The following RUNX1 variants were observed in gnomAD, a reference collection of about 807,000 sequenced individuals.
The protein encoded by RUNX1 is RUNX family transcription factor 1.
In RUNX1, 19 loss-of-function variants were observed where a neutral mutation model predicts 42.8. The observed-to-expected ratio is 0.44, with a 90% CI of 0.31 to 0.65. The LOEUF is 0.65. RUNX1 is among the 30% of genes least tolerant of loss of function. The pLI, the probability that RUNX1 is intolerant of heterozygous loss-of-function variation, is 0.07. For synonymous variants in RUNX1, 271 were observed against 289.4 expected (o/e 0.94, Z 0.64); for missense variants, 528 against 672.0 (o/e 0.79, Z 2.37).
chr21:34,791,241 T>A lies in RUNX1; in HGVS notation c.*894A>T, dbSNP rs1367502303. On this transcript the variant is annotated 3_prime_UTR_variant, in exon 9 of 9. Coordinates refer to ENST00000675419, the MANE Select transcript of RUNX1 (RefSeq NM_001754.5). ...TCTTTTTTTCTAGCCTTCTTCAATG[T>A]GATACATTTAACTTTGGCTACTATC... 8.6e-6 allele frequency: 2 copies of A among 233,136 alleles called. No individual in the cohort carries two copies. Among genetic ancestry groups the A allele is most frequent in the South Asian group, 3.6e-4 (2 of 5,536 alleles). The allele number at this position is 233,136 out of a possible 1,614,324, so 14.4% of individuals were successfully genotyped here. A position where few individuals can be genotyped will look rare whatever the true frequency, so the allele number is the denominator to read the frequency against.
chr21:34,901,428 G>C lies in RUNX1; in HGVS notation c.59-8465C>G, dbSNP rs1208600042. ...CTCGAGAGGCTAAGGCGGGAGAATCGCTTGAACTCGGAAGGCGGAGGTTGC... is the reference window on the plus strand; with the variant it reads ...CTCGAGAGGCTAAGGCGGGAGAATCCCTTGAACTCGGAAGGCGGAGGTTGC... On this transcript the variant is annotated intron_variant, in intron 2 of 8. Transcript: ENST00000675419. The surrounding 1 kb of genome is among the most constrained non-coding windows in gnomAD (Gnocchi z 4.3). Among the ~76,000 whole-genome samples the C allele has an allele frequency of 6.6e-6, 1 of 152,222 alleles. No homozygotes were observed. The highest frequency in any genetic ancestry group is 2.4e-5 in the African/African-American group (1 of 41,532).
intron 2 of RUNX1, among the ~76,000 whole-genome samples, chr21:35,002,946 G>A (rs1421653541): frequency 6.6e-6 from 1 of 152,120 alleles, no homozygotes; most frequent in Non-Finnish European, 1.5e-5. Context: ...AGACCAACAA[G>A]TGATTACTAA....
At chr21:34,862,199 C>T (rs2057587216) in intron 5 of RUNX1, among the ~76,000 whole-genome samples, 1 of 152,108 alleles carries the variant, frequency 6.6e-6, no homozygotes, top group African/African-American at 2.4e-5. Context: ...GATTTTACCT[C>T]TCCAGATCTC....
intron 6 of RUNX1, among the ~76,000 whole-genome samples, chr21:34,847,688 C>A (rs2057337071): frequency 6.6e-6 from 1 of 152,104 alleles, no homozygotes; most frequent in African/African-American, 2.4e-5. Flanking sequence ...AGCATAGGTG[C>A]TTCATGTTAA....
At chr21:34,963,838 G>A (rs1474421446) in intron 2 of RUNX1, among the ~76,000 whole-genome samples, 3 of 152,186 alleles carry the variant, frequency 2.0e-5, no homozygotes, top group East Asian at 3.9e-4. Context: ...GGAGGCTTTC[G>A]AGAGACCCAC....
intron 2 of RUNX1, among the ~76,000 whole-genome samples, chr21:34,898,588 G>T (rs766687797): frequency 2.0e-5 from 3 of 152,132 alleles, no homozygotes; most frequent in East Asian, 1.9e-4. Context: ...GAGAGCAGGG[G>T]TGTTTTTTAT....
intron 2 of RUNX1, among the ~76,000 whole-genome samples, chr21:34,893,498 T>C (rs2058103321): frequency 6.6e-6 from 1 of 152,198 alleles, no homozygotes; most frequent in Non-Finnish European, 1.5e-5. Context: ...TTAGAAATAA[T>C]TGTTACATGA....
chr21:34,813,307 A>G (rs1463404551), intron 7 of RUNX1, among the ~76,000 whole-genome samples: 4 of 152,184 alleles, frequency 2.6e-5, no homozygotes, highest in Non-Finnish European at 5.9e-5. Context: ...TTGCTCAGGG[A>G]AAGCACACAC....
At position 34,909,527 on chromosome 21, in the gene RUNX1, G is replaced by C. The variant is rs539248323; in HGVS notation, c.59-16564C>G. Among the ~76,000 whole-genome samples the C allele has an allele frequency of 2.1e-5, 3 of 144,314 alleles. No homozygotes were observed. In the South Asian group the frequency reaches 6.4e-4, roughly 31 times the overall value. The allele number at this position is 144,314 out of a possible 152,430, so 94.7% of individuals were successfully genotyped here. A position where few individuals can be genotyped will look rare whatever the true frequency, so the allele number is the denominator to read the frequency against. On this transcript the variant is annotated intron_variant, in intron 2 of 8. Coordinates refer to ENST00000675419, the MANE Select transcript of RUNX1 (RefSeq NM_001754.5). ...GGCACAGAGGCAATTTCTCAGTGCAGCTCACATGTGGCTACAAACACAGAG... is the reference window on the plus strand; with the variant it reads ...GGCACAGAGGCAATTTCTCAGTGCACCTCACATGTGGCTACAAACACAGAG...
intron 2 of RUNX1, among the ~76,000 whole-genome samples, chr21:34,993,333 A>G (rs894092406): frequency 4.6e-5 from 7 of 152,186 alleles, no homozygotes; most frequent in African/African-American, 1.7e-4. Flanking sequence ...TTATCTTAAA[A>G]AAAGAGCAAC....
chr21:34,926,964 C>T (rs886559789), intron 2 of RUNX1, among the ~76,000 whole-genome samples: 6 of 152,160 alleles, frequency 3.9e-5, no homozygotes, highest in African/African-American at 7.2e-5. Context: ...TCTCTCACTG[C>T]ATTTCCTTTC....
intron 2 of RUNX1, among the ~76,000 whole-genome samples, chr21:34,894,245 G>A (rs1290707006): frequency 6.6e-6 from 1 of 152,170 alleles, no homozygotes; most frequent in Non-Finnish European, 1.5e-5. Context: ...ATTATGTCTT[G>A]AGACCCAGAG....
chr21:34,792,092 A>T lies in RUNX1; in HGVS notation c.*43T>A. ...CAGGAGGCCCGCGCGCCCGGAGGCGAAGGCGGCGGCCCGCGGGGCCCAGCC... is the reference window on the plus strand; with the variant it reads ...CAGGAGGCCCGCGCGCCCGGAGGCGTAGGCGGCGGCCCGCGGGGCCCAGCC... On this transcript the variant is annotated 3_prime_UTR_variant, in exon 9 of 9. Coordinates refer to ENST00000675419, the MANE Select transcript of RUNX1 (RefSeq NM_001754.5). This position sits in a 1 kb window ranked among gnomAD's most constrained non-coding sequence, Gnocchi z 6.9. The T allele has an allele frequency of 1.6e-6, 2 of 1,257,150 alleles. No homozygotes were observed. Among genetic ancestry groups the T allele is most frequent in the South Asian group, 2.0e-5 (1 of 49,534 alleles). The allele number at this position is 1,257,150 out of a possible 1,614,324, so 77.9% of individuals were successfully genotyped here.
chr21:34,923,962 T>C (rs2058373412), intron 2 of RUNX1, among the ~76,000 whole-genome samples: 1 of 152,224 alleles, frequency 6.6e-6, no homozygotes. Flanking sequence ...TCCTGGCCAC[T>C]GGGCCCACTG....
intron 2 of RUNX1, among the ~76,000 whole-genome samples, chr21:34,998,798 C>G (rs1462434838): frequency 1.3e-5 from 2 of 152,216 alleles, no homozygotes; most frequent in Non-Finnish European, 2.9e-5. Flanking sequence ...GCCTTGCCCT[C>G]CCAAAGTGCT....
At chr21:34,981,881 C>A (rs1282315410) in intron 2 of RUNX1, among the ~76,000 whole-genome samples, 1 of 152,074 alleles carries the variant, frequency 6.6e-6, no homozygotes, top group East Asian at 1.9e-4. Flanking sequence ...TAGGTCATTG[C>A]CATCAGTGCA....
intron 2 of RUNX1, among the ~76,000 whole-genome samples, chr21:34,909,743 TG>T (rs2058257386): frequency 6.6e-6 from 1 of 152,194 alleles, no homozygotes; most frequent in African/African-American, 2.4e-5. Context: ...CTTGTTTCAT[TG>T]TTGCAAAGTA....
chr21:34,995,174 C>T (rs1187709523), intron 2 of RUNX1, among the ~76,000 whole-genome samples: 2 of 152,190 alleles, frequency 1.3e-5, no homozygotes, highest in Non-Finnish European at 2.9e-5. Context: ...GGAGGCCCCA[C>T]CTTGTGAGGC....
At chr21:34,852,601 T>C (rs557122713) in intron 6 of RUNX1, among the ~76,000 whole-genome samples, 4 of 152,332 alleles carry the variant, frequency 2.6e-5, no homozygotes, top group East Asian at 3.9e-4. Context: ...CAGGGGGAAG[T>C]TCCCCCAGAA....
Sources: allele counts gnomAD v4.1 joint callset (sites outside exome capture counted in the v4.1 genomes callset), GRCh38; gene constraint gnomAD v4.1.1; non-coding constraint Gnocchi (gnomAD v3.1); transcripts MANE v1.5; gene names NCBI Gene and HGNC (gene_info 2026-07-23, HGNC 2026-07-21).